AASS: variants seen among roughly 807,000 people sequenced by gnomAD.
AASS encodes the protein aminoadipate-semialdehyde synthase.
AASS carries 86 observed loss-of-function variants against 105.4 expected under a neutral mutation model. The observed-to-expected ratio is 0.82, with a 90% CI of 0.69 to 0.98. The LOEUF (loss-of-function observed/expected upper bound fraction) is 0.98, where lower values mean the gene tolerates loss of function less well. Among genes scored for constraint, AASS ranks in the 50% least tolerant of loss-of-function variants. The pLI, the probability that AASS is intolerant of heterozygous loss-of-function variation, is 0.00. For synonymous variants in AASS, 381 were observed against 394.8 expected (o/e 0.96, Z 0.41); for missense variants, 1,048 against 1,143.2 (o/e 0.92, Z 1.20).
chr7:122,074,274 T>G lies in AASS; in HGVS notation c.*2215A>C, dbSNP rs1792901037. On this transcript the variant is annotated 3_prime_UTR_variant, in exon 24 of 24. Coordinates refer to ENST00000417368, the MANE Select transcript of AASS (RefSeq NM_005763.4). ...TGTGCTTATTGGCCTTTTGTGTATC[T>G]TCTTTGGAGAACTGTTAATTCAGAT... 6.6e-6 allele frequency among the ~76,000 whole-genome samples: 1 copy of G among 152,228 alleles called. No homozygotes were observed. Among genetic ancestry groups the G allele is most frequent in the Non-Finnish European group, 1.5e-5 (1 of 68,042 alleles).
Position 122,086,199 on chromosome 7 carries a change from C to T in AASS, c.2017-20G>A, listed in dbSNP as rs1398461375. On this transcript the variant is annotated intron_variant, in intron 18 of 23. Coordinates refer to ENST00000417368, the MANE Select transcript of AASS (RefSeq NM_005763.4). ...CACAACCTGAGGAACATTGAGAAGG[C>T]ACACATGGGGTTACAGCTGTTCCTT... The T allele has an allele frequency of 1.2e-6, 2 of 1,612,072 alleles. No homozygotes were observed. The highest frequency in any genetic ancestry group is 2.7e-5 in the African/African-American group (2 of 74,776).
chr7:122,125,103 A>G (rs1191368319), intron 4 of AASS, among the ~76,000 whole-genome samples: 2 of 152,072 alleles, frequency 1.3e-5, no homozygotes, highest in African/African-American at 4.8e-5. Context: ...TATTTTTAGT[A>G]GAGACAGGAT....
chr7:122,135,277 A>T (rs575611831), intron 1 of AASS, among the ~76,000 whole-genome samples: 35 of 151,774 alleles, frequency 2.3e-4, no homozygotes, highest in Admixed American at 1.5e-3. Flanking sequence ...GTATTAAAAA[A>T]AAAAAAAGAA....
rs1311052298 is a variant in AASS, at chr7:122,092,916, A to T, written c.1802T>A (p.Leu601Ter). Residue 601 changes from leucine (L) to a stop codon, truncating the protein, a stop_gained, in exon 17 of 24, where the codon TTG becomes TAG. Transcript: ENST00000417368. LOFTEE classifies it high-confidence loss of function. ...EDAGITIIGE[L>*]GLDPGLDHML... Reference sequence around the variant, plus strand: ...GTGATCCAGACCAGGGTCCAATCCCAATTCACCAATGATTGTGATGCCAGC... The same window carrying T: ...GTGATCCAGACCAGGGTCCAATCCCTATTCACCAATGATTGTGATGCCAGC... 2 of 1,613,900 alleles carry T rather than the reference A, an allele frequency of 1.2e-6. No homozygotes were observed. Among genetic ancestry groups the T allele is most frequent in the South Asian group, 2.2e-5 (2 of 91,086 alleles).
In AASS at chr7:122,140,464, C is replaced by T. The variant is rs1031422252; in HGVS notation, c.-16+3697G>A. Among the ~76,000 whole-genome samples the T allele has an allele frequency of 7.2e-5, 7 of 96,716 alleles. No homozygotes were observed. The East Asian group carries it at 1.8e-3, about 25-fold the overall frequency. The allele number at this position is 96,716 out of a possible 152,430, so 63.4% of individuals were successfully genotyped here. On this transcript the variant is annotated intron_variant, in intron 1 of 23. Coordinates refer to ENST00000417368, the MANE Select transcript of AASS (RefSeq NM_005763.4). ...TCGTACCACTGCACTCCAGCCTGGGCGACAGAGCGAGACTCAGTCTCAAAA... is the reference window on the plus strand; with the variant it reads ...TCGTACCACTGCACTCCAGCCTGGGTGACAGAGCGAGACTCAGTCTCAAAA...
In AASS at chr7:122,113,605, GAAT is replaced by G; in HGVS notation, c.1156_1158del (p.Ile386del). ...CAACTTTAGCAAACTCACCTGTCAT[GAAT>G]AATATGCTGGTCTGCATCATACATG... On this transcript the variant is annotated inframe_deletion, in exon 10 of 24. Coordinates refer to ENST00000417368, the MANE Select transcript of AASS (RefSeq NM_005763.4). 1 of 1,613,506 alleles carries G rather than the reference GAAT, an allele frequency of 6.2e-7. No individual in the cohort carries two copies. The highest frequency in any genetic ancestry group is 8.5e-7 in the Non-Finnish European group (1 of 1,179,910).
At position 122,116,933 on chromosome 7, in the gene AASS, G is replaced by A; in HGVS notation, c.712C>T (p.Leu238=). ...SKGAQAIFNE[L]PCEYVEPHEL... ...TGGGGCTCCACATATTCACAAGGTA[G>A]CTCATTAAAGATTGCTTGGGCTCCC... Residue 238 remains leucine, a synonymous_variant, in exon 7 of 24, where the codon CTA becomes TTA. Transcript: ENST00000417368. 1 of 1,613,834 alleles carries A rather than the reference G, an allele frequency of 6.2e-7. No homozygotes were observed.
rs956278868 is a variant in AASS, at chr7:122,103,786, GTATATATAC to G, written c.1279-2115_1279-2107del. ...TATGTACATATACATATATATGTGTGTATATATACTATATATACTATACACACACACACA... is the reference window on the plus strand; with the variant it reads ...TATGTACATATACATATATATGTGTGTATATATACTATACACACACACACA... On this transcript the variant is annotated intron_variant, in intron 11 of 23. Coordinates refer to ENST00000417368, the MANE Select transcript of AASS (RefSeq NM_005763.4). Among the ~76,000 whole-genome samples, 62 of 151,792 alleles carry G rather than the reference GTATATATAC, an allele frequency of 4.1e-4. 1 individual carries two copies. The highest frequency in any genetic ancestry group is 1.3e-3 in the African/African-American group (53 of 41,370).
At chr7:122,111,279 A>G (rs183423676) in intron 11 of AASS, among the ~76,000 whole-genome samples, 1 of 152,232 alleles carries the variant, frequency 6.6e-6, no homozygotes, top group African/African-American at 2.4e-5. Context: ...CAAAATTTTT[A>G]AAAAAGAACC....
Position 122,133,662 on chromosome 7 carries a change from T to C in AASS, c.65A>G (p.His22Arg), listed in dbSNP as rs1348104734. The C allele has an allele frequency of 1.9e-6, 3 of 1,614,054 alleles. No individual in the cohort carries two copies. Among genetic ancestry groups the C allele is most frequent in the Non-Finnish European group, 2.5e-6 (3 of 1,180,050 alleles). ...LGVSLSKGLH[H>R]KAVLAVRRED... is the part of the protein sequence containing the mutation. ...CCTCCGGACGGCCAACACAGCTTTG[T>C]GGTGAAGACCCTTGGAGAGGCTGAC... The change falls in exon 2 of 24, where the codon CAC (histidine) becomes CGC (arginine). Residue 22 changes from histidine (H) to arginine (R), a missense_variant. Transcript: ENST00000417368.
At chr7:122,110,495 AAAAG>A (rs1468369077) in intron 11 of AASS, among the ~76,000 whole-genome samples, 1 of 151,904 alleles carries the variant, frequency 6.6e-6, no homozygotes, top group Non-Finnish European at 1.5e-5. Context: ...TAAAACTAAA[AAAAG>A]AAACAAACAA....
chr7:122,119,579 C>G (rs1335324478), intron 4 of AASS, among the ~76,000 whole-genome samples: 1 of 152,252 alleles, frequency 6.6e-6, no homozygotes, highest in East Asian at 1.9e-4. Flanking sequence ...ACAAACATCC[C>G]TACCAAATTT....
chr7:122,135,008 G>A lies in AASS; in HGVS notation c.-15-1267C>T, dbSNP rs1185391567. On this transcript the variant is annotated intron_variant, in intron 1 of 23. Coordinates refer to ENST00000417368, the MANE Select transcript of AASS (RefSeq NM_005763.4). ...ATGAAGCTGGAAACCATCATTCTGA[G>A]CAAACTATCACAAGGACAGAACACC... 2.0e-5 allele frequency among the ~76,000 whole-genome samples: 3 copies of A among 152,106 alleles called. No homozygotes were observed. In the East Asian group the frequency reaches 5.8e-4, roughly 29 times the overall value.
chr7:122,095,444 ATT>A (rs1794104935), intron 15 of AASS, among the ~76,000 whole-genome samples: 1 of 152,124 alleles, frequency 6.6e-6, no homozygotes, highest in South Asian at 2.1e-4. Flanking sequence ...ATAATATTTA[ATT>A]TGTTTTTTAA....
intron 19 of AASS, among the ~76,000 whole-genome samples, chr7:122,082,587 T>A (rs1793401184): frequency 6.6e-6 from 1 of 152,222 alleles, no homozygotes; most frequent in South Asian, 2.1e-4. Flanking sequence ...CTTTATATTA[T>A]GTTATATTAT....
At chr7:122,142,386 T>C (rs1796444024) in intron 1 of AASS, among the ~76,000 whole-genome samples, 1 of 152,192 alleles carries the variant, frequency 6.6e-6, no homozygotes, top group Admixed American at 6.5e-5. Context: ...TCTGTCACAC[T>C]GTAGTAAGAC....
At chr7:122,110,003 T>C (rs536344675) in intron 11 of AASS, among the ~76,000 whole-genome samples, 6 of 151,954 alleles carry the variant, frequency 3.9e-5, no homozygotes, top group South Asian at 4.1e-4. Flanking sequence ...TCAAAGTAAA[T>C]CTAATGGCTT....
Position 122,085,480 on chromosome 7 carries a change from C to T in AASS, c.2184+532G>A, listed in dbSNP as rs538008589. 6.6e-5 allele frequency among the ~76,000 whole-genome samples: 10 copies of T among 152,048 alleles called. No homozygotes were observed. The East Asian group carries it at 1.4e-3, about 21-fold the overall frequency. On this transcript the variant is annotated intron_variant, in intron 19 of 23. Coordinates refer to ENST00000417368, the MANE Select transcript of AASS (RefSeq NM_005763.4). ...CCCTTTCATCCCGTCCGTTTCCTCC[C>T]GCCCCAGTCCATGTTTTTTTAATGA...
At chr7:122,094,820 C>T (rs933496461) in intron 15 of AASS, among the ~76,000 whole-genome samples, 3 of 151,932 alleles carry the variant, frequency 2.0e-5, no homozygotes, top group Admixed American at 2.0e-4. Flanking sequence ...AGCCTATCTC[C>T]TCCTTGGGCC....
Sources: allele counts gnomAD v4.1 joint callset (sites outside exome capture counted in the v4.1 genomes callset), GRCh38; gene constraint gnomAD v4.1.1; transcripts MANE v1.5; gene names NCBI Gene and HGNC (gene_info 2026-07-23, HGNC 2026-07-21).